Variants in GPR158 observed in about 807,000 individuals in gnomAD.
The protein encoded by GPR158 is G protein-coupled receptor 158.
In GPR158, 30 loss-of-function variants were observed where a neutral mutation model predicts 78.2. The observed-to-expected ratio is 0.38, with a 90% CI of 0.29 to 0.52. The LOEUF (loss-of-function observed/expected upper bound fraction) is 0.52. GPR158 is among the 20% of genes least tolerant of loss of function. The pLI, the probability that GPR158 is intolerant of heterozygous loss-of-function variation, is 0.83. For missense variants in GPR158, 1,463 were observed against 1,523.5 expected, an observed-to-expected ratio of 0.96 and a Z score of 0.66; for synonymous variants, 581 against 591.1, an observed-to-expected ratio of 0.98 and a Z score of 0.25.
chr10:25,418,680 G>A (rs1347527612), intron 4 of GPR158, among the ~76,000 whole-genome samples: 1 of 146,044 alleles, frequency 6.8e-6, no homozygotes, highest in African/African-American at 2.5e-5. Flanking sequence ...AATGTCAAGT[G>A]TTAGTATAAT....
intron 3 of GPR158, among the ~76,000 whole-genome samples, chr10:25,398,339 T>C (rs1646096306): frequency 1.3e-5 from 2 of 152,246 alleles, no homozygotes; most frequent in Non-Finnish European, 2.9e-5. Flanking sequence ...CTTTTTGGTG[T>C]GTGTGTGCCA....
intron 2 of GPR158, among the ~76,000 whole-genome samples, chr10:25,279,658 A>G (rs577900586): frequency 7.8e-4 from 119 of 152,326 alleles, no homozygotes; most frequent in African/African-American, 2.7e-3. Flanking sequence ...CCTCGCAGCT[A>G]CACAGCTAGA....
At chr10:25,238,466 A>G (rs778944576) in intron 2 of GPR158, among the ~76,000 whole-genome samples, 52 of 152,260 alleles carry the variant, frequency 3.4e-4, no homozygotes, top group Admixed American at 6.5e-5. Flanking sequence ...CATCTTTTAT[A>G]TACATTTGAA....
rs1029506275 is a variant in GPR158, at chr10:25,541,416, T to C, written c.1405-9560T>C. Among the ~76,000 whole-genome samples the C allele has an allele frequency of 1.9e-4, 29 of 152,154 alleles. 2 individuals carry two copies. The highest frequency in any genetic ancestry group is 1.9e-3 in the Admixed American group (29 of 15,256). ...CTTGATTTTAATGAAATCAAATTTC[T>C]TGATCTTTTACTTTTTGTGTGGTTA... On this transcript the variant is annotated intron_variant, in intron 5 of 10. Coordinates refer to ENST00000376351, the MANE Select transcript of GPR158 (RefSeq NM_020752.3).
In GPR158 at chr10:25,582,712, C is replaced by A. The variant is rs142057733; in HGVS notation, c.1754-6295C>A. Among the ~76,000 whole-genome samples, 65 of 152,258 alleles carry A rather than the reference C, an allele frequency of 4.3e-4. 1 individual carries two copies. The highest frequency in any genetic ancestry group is 1.3e-3 in the African/African-American group (52 of 41,550). On this transcript the variant is annotated intron_variant, in intron 7 of 10. Coordinates refer to ENST00000376351, the MANE Select transcript of GPR158 (RefSeq NM_020752.3). ...TCAGCATTCAAAATTGTTACTCCTG[C>A]CTTTTTAAAGGAGTTACAAGTTCTA...
intron 2 of GPR158, among the ~76,000 whole-genome samples, chr10:25,343,972 G>A (rs1009507456): frequency 1.4e-4 from 22 of 151,920 alleles, no homozygotes; most frequent in African/African-American, 5.1e-4. Flanking sequence ...ATAGAGGCTA[G>A]GGTATAACTC....
chr10:25,264,984 A>G (rs541933097), intron 2 of GPR158, among the ~76,000 whole-genome samples: 34 of 152,318 alleles, frequency 2.2e-4, no homozygotes, highest in Admixed American at 9.8e-4. Context: ...CTATGTATAT[A>G]TCACCCTCTC....
chr10:25,256,687 A>G (rs200433314), intron 2 of GPR158, among the ~76,000 whole-genome samples: 1 of 152,150 alleles, frequency 6.6e-6, no homozygotes, highest in East Asian at 1.9e-4. Context: ...TCTATTCACA[A>G]CAATAAAAAT....
intron 5 of GPR158, among the ~76,000 whole-genome samples, chr10:25,471,121 A>G (rs1407126336): frequency 2.1e-5 from 2 of 95,316 alleles, no homozygotes; most frequent in African/African-American, 8.2e-5. Flanking sequence ...CCCCCACCCC[A>G]TGACAGGCCC....
intron 6 of GPR158, among the ~76,000 whole-genome samples, chr10:25,553,993 G>A (rs894238650): frequency 1.3e-5 from 2 of 152,090 alleles, no homozygotes; most frequent in South Asian, 4.1e-4. Flanking sequence ...CAAACAAAAT[G>A]GGTTATGGCT....
At chr10:25,233,577 C>A (rs973454777) in intron 2 of GPR158, among the ~76,000 whole-genome samples, 7 of 152,200 alleles carry the variant, frequency 4.6e-5, no homozygotes, top group Non-Finnish European at 2.9e-5. Context: ...ATGGGCTATG[C>A]TTTTATGCTT....
Position 25,598,349 on chromosome 10 carries a change from G to A in GPR158, c.2723G>A (p.Ser908Asn), listed in dbSNP as rs1382883483. The change falls in exon 11 of 11, where the codon AGC becomes AAC. Residue 908 changes from serine to asparagine, a missense_variant. By Grantham distance (46) the Ser-to-Asn change is conservative (BLOSUM62 1). Transcript: ENST00000376351. ...CAGAAGTCTCTCAGTGTCATAGCAA[G>A]CGCCAAGGAGAAGACTCTTGGATTA... is the stretch of plus-strand genomic sequence containing the variant. ...MLQKSLSVIA[S>N]AKEKTLGLAG... 6.2e-7 allele frequency: 1 copy of A among 1,614,082 alleles called. No homozygotes were observed. Among genetic ancestry groups the A allele is most frequent in the East Asian group, 2.2e-5 (1 of 44,876 alleles).
rs796915551 is a variant in GPR158 at position 25,351,717 on chromosome 10, T to TC, written c.1009-44194_1009-44193insC. Among the ~76,000 whole-genome samples the TC allele has an allele frequency of 2.8e-3, 423 of 151,674 alleles. 2 individuals carry two copies. The highest frequency in any genetic ancestry group is 9.9e-3 in the African/African-American group (409 of 41,328). On this transcript the variant is annotated intron_variant, in intron 2 of 10. Transcript: ENST00000376351. ...GCAATAGTGTTTTTCTTTCTTTTTTTTTTTTTTTAATGTTTTTTCTTTTCT... is the reference window on the plus strand; with the variant it reads ...GCAATAGTGTTTTTCTTTCTTTTTTTCTTTTTTTTAATGTTTTTTCTTTTCT...
intron 1 of GPR158, among the ~76,000 whole-genome samples, chr10:25,192,965 A>G (rs1247146256): frequency 1.3e-5 from 2 of 152,214 alleles, no homozygotes; most frequent in Non-Finnish European, 2.9e-5. Context: ...GAGCATGTTT[A>G]TGGTAGGCTA....
At chr10:25,543,538 T>G (rs922038638) in intron 5 of GPR158, among the ~76,000 whole-genome samples, 3 of 152,210 alleles carry the variant, frequency 2.0e-5, no homozygotes, top group Non-Finnish European at 4.4e-5. Flanking sequence ...CTGTAGTGTG[T>G]AATGATGACT....
chr10:25,479,856 T>G (rs1305143436), intron 5 of GPR158, among the ~76,000 whole-genome samples: 1 of 152,174 alleles, frequency 6.6e-6, no homozygotes, highest in East Asian at 1.9e-4. Flanking sequence ...TCGTGATACA[T>G]AAGTTATGGA....
intron 2 of GPR158, among the ~76,000 whole-genome samples, chr10:25,221,759 T>C (rs1476190874): frequency 6.6e-6 from 1 of 152,220 alleles, no homozygotes; most frequent in Non-Finnish European, 1.5e-5. Flanking sequence ...TTGTCTTTTG[T>C]AGTTTCAGAG....
chr10:25,217,969 C>G (rs1377656738), intron 1 of GPR158, among the ~76,000 whole-genome samples: 2 of 152,070 alleles, frequency 1.3e-5, no homozygotes, highest in Non-Finnish European at 2.9e-5. Context: ...AGCCCTTCAA[C>G]CCCTGAGATG....
chr10:25,494,279 A>G (rs945910620), intron 5 of GPR158, among the ~76,000 whole-genome samples: 4 of 152,220 alleles, frequency 2.6e-5, no homozygotes, highest in Admixed American at 1.3e-4. Context: ...AGAATTTACC[A>G]ATCTATATTA....
Sources: allele counts gnomAD v4.1 joint callset (sites outside exome capture counted in the v4.1 genomes callset), GRCh38; gene constraint gnomAD v4.1.1; transcripts MANE v1.5; gene names NCBI Gene and HGNC (gene_info 2026-07-23, HGNC 2026-07-21).